Variants in TIAM2 observed in about 807,000 individuals in gnomAD.
TIAM2 encodes rho guanine nucleotide exchange factor TIAM2.
In TIAM2, 80 loss-of-function variants were observed where a neutral mutation model predicts 152.9. The ratio of observed to expected loss-of-function variants is 0.52; its 90% CI spans 0.44 to 0.63. The LOEUF (loss-of-function observed/expected upper bound fraction) is 0.63, where lower values mean the gene tolerates loss of function less well. Among genes scored for constraint, TIAM2 ranks in the 30% least tolerant of loss-of-function variants. The probability of loss-of-function intolerance (pLI) is 0.00; values close to 1 mark genes in which losing one functional copy is unlikely to be tolerated. For missense variants in TIAM2, 1,965 were observed against 2,120.1 expected (o/e 0.93, Z 1.44); for synonymous variants, 804 against 838.0 (o/e 0.96, Z 0.70).
At chr6:155,244,833 G>T in intron 18 of TIAM2, 50 bp downstream of exon 18, 1 of 1,542,006 alleles carries the variant, frequency 6.5e-7, no homozygotes. Flanking sequence ...GCTATGGTAC[G>T]TATTTCTCTC....
intron 1 of TIAM2, among the ~76,000 whole-genome samples, chr6:155,011,872 G>A (rs959062586): frequency 9.2e-5 from 14 of 152,180 alleles, no homozygotes; most frequent in Admixed American, 8.5e-4. Flanking sequence ...ACTTTTGGAG[G>A]GGTTTTGGTG....
intron 16 of TIAM2, among the ~76,000 whole-genome samples, chr6:155,241,392 G>GC (rs1435565229): frequency 6.6e-6 from 1 of 152,220 alleles, no homozygotes; most frequent in East Asian, 1.9e-4. Context: ...TACTGAAGCA[G>GC]CGCGGCACGG....
chr6:155,140,198 C>T (rs756887745), intron 5 of TIAM2, among the ~76,000 whole-genome samples: 11 of 152,144 alleles, frequency 7.2e-5, no homozygotes, highest in Non-Finnish European at 1.2e-4. Flanking sequence ...TTGTTTCCCT[C>T]CTTGTGGGCA....
At chr6:155,166,236 G>A (rs1195184282) in intron 9 of TIAM2, among the ~76,000 whole-genome samples, 1 of 152,064 alleles carries the variant, frequency 6.6e-6, no homozygotes, top group South Asian at 2.1e-4. Context: ...CTAAGTCCAC[G>A]GTCTTGAAAC....
At chr6:155,201,651 G>A (rs900849269) in intron 14 of TIAM2, among the ~76,000 whole-genome samples, 2 of 152,160 alleles carry the variant, frequency 1.3e-5, no homozygotes, top group South Asian at 4.1e-4. Flanking sequence ...GCTCTTTTTC[G>A]TTGTTCTAAG....
chr6:155,147,473 A>C (rs1169322017), intron 6 of TIAM2, among the ~76,000 whole-genome samples: 1 of 151,226 alleles, frequency 6.6e-6, no homozygotes, highest in African/African-American at 2.4e-5. Flanking sequence ...CACCCGGCTA[A>C]TTTTTGTGTT....
At chr6:155,119,275 T>C (rs1458192318) in intron 2 of TIAM2, among the ~76,000 whole-genome samples, 1 of 152,044 alleles carries the variant, frequency 6.6e-6, no homozygotes, top group African/African-American at 2.4e-5. Context: ...CTTCATGTGA[T>C]CCACCAGCCT....
intron 9 of TIAM2, among the ~76,000 whole-genome samples, chr6:155,175,789 G>A (rs1291633718): frequency 6.6e-6 from 1 of 152,206 alleles, no homozygotes; most frequent in African/African-American, 2.4e-5. Flanking sequence ...GTATTAGCAT[G>A]AAGTCAGCAA....
At chr6:155,244,569 C>T in intron 17 of TIAM2, 89 bp from the exon 18 acceptor site, 1 of 1,456,488 alleles carries the variant, frequency 6.9e-7, no homozygotes, top group East Asian at 2.3e-5. Context: ...GAAGAATTTC[C>T]TTGTGATTTA....
Position 155,244,715 on chromosome 6 carries a change from G to A in TIAM2, c.3475G>A (p.Glu1159Lys). ...EMLEFQKVFL[E>K]TLEDGISASS... ...GCTTGAGTTTCAGAAGGTGTTTCTGGAGACCCTGGAGGATGGGATTTCAGC... is the reference window on the plus strand; with the variant it reads ...GCTTGAGTTTCAGAAGGTGTTTCTGAAGACCCTGGAGGATGGGATTTCAGC... The change falls in exon 18 of 27, where the codon GAG becomes AAG. Residue 1159 changes from glutamate (E) to lysine (K), a missense_variant. Coordinates refer to ENST00000682666, the MANE Select transcript of TIAM2 (RefSeq NM_012454.4). 6.2e-7 allele frequency: 1 copy of A among 1,614,110 alleles called. No homozygotes were observed. The highest frequency in any genetic ancestry group is 8.5e-7 in the Non-Finnish European group (1 of 1,179,990).
At chr6:155,126,859 C>A (rs748320608) in intron 2 of TIAM2, among the ~76,000 whole-genome samples, 2 of 151,476 alleles carry the variant, frequency 1.3e-5, no homozygotes, top group Non-Finnish European at 2.9e-5. Context: ...GGCCTCACCC[C>A]TCTGCTTCCC....
At chr6:155,204,069 C>T (rs1013253750) in intron 14 of TIAM2, among the ~76,000 whole-genome samples, 18 of 152,076 alleles carry the variant, frequency 1.2e-4, no homozygotes, top group African/African-American at 3.1e-4. Context: ...GCTGGACATC[C>T]GGCAGTGATC....
chr6:155,122,758 T>G (rs1779199847), intron 2 of TIAM2, among the ~76,000 whole-genome samples: 1 of 152,144 alleles, frequency 6.6e-6, no homozygotes, highest in Admixed American at 6.5e-5. Context: ...TATCTCTTCC[T>G]GCAGGTTAGA....
intron 1 of TIAM2, among the ~76,000 whole-genome samples, chr6:155,069,453 C>T (rs931542506): frequency 2.9e-5 from 4 of 136,118 alleles, no homozygotes; most frequent in African/African-American, 1.0e-4. Context: ...GAAAGAACGA[C>T]CAGGGTTTCA....
intron 2 of TIAM2, among the ~76,000 whole-genome samples, chr6:155,120,359 T>A (rs1219554402): frequency 6.6e-6 from 1 of 152,208 alleles, no homozygotes; most frequent in Non-Finnish European, 1.5e-5. Context: ...TCTGCTCACT[T>A]TTTTTGTAAG....
rs1338049304 is a variant in TIAM2 at position 155,218,138 on chromosome 6, A to G, written c.3168+6831A>G. 6.6e-6 allele frequency among the ~76,000 whole-genome samples: 1 copy of G among 152,262 alleles called. No individual in the cohort carries two copies. Among genetic ancestry groups the G allele is most frequent in the African/African-American group, 2.4e-5 (1 of 41,456 alleles). On this transcript the variant is annotated intron_variant, in intron 15 of 26. Coordinates refer to ENST00000682666, the MANE Select transcript of TIAM2 (RefSeq NM_012454.4). This position sits in a 1 kb window ranked among gnomAD's most constrained non-coding sequence, Gnocchi z 4.5. ...TGTTAGGCAGTCAAGCTAAAAGATA[A>G]CTTATTTATAAACCGTAGTCTTTCT...
At position 155,101,175 on chromosome 6, in the gene TIAM2, G is replaced by T. The variant is rs150117586; in HGVS notation, c.-118+10796G>T. 6.4e-4 allele frequency among the ~76,000 whole-genome samples: 98 copies of T among 152,258 alleles called. 2 individuals carry two copies. In the East Asian group the frequency reaches 0.019, roughly 29 times the overall value. Reference sequence around the variant, plus strand: ...AATTTGGGCCTTTTGATCAAATGGGGAGAAAAATCAGCTCCCCCGGTAATG... The same window carrying T: ...AATTTGGGCCTTTTGATCAAATGGGTAGAAAAATCAGCTCCCCCGGTAATG... On this transcript the variant is annotated intron_variant, in intron 2 of 26. Coordinates refer to ENST00000682666, the MANE Select transcript of TIAM2 (RefSeq NM_012454.4).
chr6:155,103,252 T>C (rs1327911050), intron 2 of TIAM2, among the ~76,000 whole-genome samples: 2 of 152,152 alleles, frequency 1.3e-5, no homozygotes, highest in African/African-American at 2.4e-5. Flanking sequence ...TATAAATTCA[T>C]AGAACTAAAG....
intron 15 of TIAM2, among the ~76,000 whole-genome samples, chr6:155,239,643 G>A (rs1481232891): frequency 6.6e-6 from 1 of 152,202 alleles, no homozygotes; most frequent in African/African-American, 2.4e-5. Flanking sequence ...AAGGCCAGTG[G>A]TCCCCCCAGA....
Sources: gnomAD v4.1 joint callset for allele counts (sites outside exome capture counted in the v4.1 genomes callset) on GRCh38, gnomAD v4.1.1 for gene constraint, Gnocchi (gnomAD v3.1) non-coding constraint, MANE v1.5 for transcripts, NCBI Gene and HGNC (gene_info 2026-07-23, HGNC 2026-07-21) for gene names.